PRKX: variants seen among roughly 807,000 people sequenced by gnomAD.
PRKX encodes cAMP-dependent protein kinase catalytic subunit PRKX.
A neutral mutation model predicts 22.0 loss-of-function variants in PRKX; 12 were observed. The ratio of observed to expected loss-of-function variants is 0.54; its 90% CI spans 0.35 to 0.88. The LOEUF (loss-of-function observed/expected upper bound fraction) is 0.88. Ranked by LOEUF, PRKX falls within the 40% of genes least tolerant of loss-of-function variation. The pLI is 0.01. For missense variants in PRKX, 217 were observed against 308.0 expected (o/e 0.70, Z 2.21); for synonymous variants, 134 against 137.7 (o/e 0.97, Z 0.19).
chrX:3,687,029 AT>A (rs1038408241), intron 1 of PRKX, among the ~76,000 whole-genome samples: 6 of 110,591 alleles, frequency 5.4e-5, no homozygotes, highest in African/African-American at 1.6e-4. Context: ...TAATTAATTA[AT>A]TTTTTTTAAG....
chrX:3,635,162 G>A (rs965113612), intron 4 of PRKX, among the ~76,000 whole-genome samples: 10 of 111,710 alleles, frequency 9.0e-5, no homozygotes, highest in East Asian at 2.8e-4. Context: ...TAGTCAGCGC[G>A]GACAGCTGTA....
At chrX:3,709,043 G>A (rs1028626228) in intron 1 of PRKX, among the ~76,000 whole-genome samples, 2 of 108,742 alleles carry the variant, frequency 1.8e-5, no homozygotes, top group Non-Finnish European at 3.8e-5. Context: ...AGCCGGGCAC[G>A]ATGGCTCATG....
intron 1 of PRKX, among the ~76,000 whole-genome samples, chrX:3,701,514 C>A (rs1326632670): frequency 1.8e-5 from 2 of 112,417 alleles, no homozygotes; most frequent in African/African-American, 6.5e-5. Flanking sequence ...CTCATCCAAG[C>A]TGGATTTTGC....
At chrX:3,651,247 T>A (rs1927326748) in intron 3 of PRKX, among the ~76,000 whole-genome samples, 1 of 112,363 alleles carries the variant, frequency 8.9e-6, no homozygotes. Context: ...ACATGTTCAT[T>A]AAGTAAAATA....
chrX:3,634,363 G>A (rs1227840530), intron 4 of PRKX, among the ~76,000 whole-genome samples: 2 of 110,918 alleles, frequency 1.8e-5, no homozygotes, highest in Non-Finnish European at 3.8e-5. Context: ...AGTTAAAGCG[G>A]AAGGAGCAGG....
chrX:3,614,946 C>T lies in PRKX; in HGVS notation c.951+869G>A, dbSNP rs556602432. ...GTGTAACCTTCCACACATTGCTTAACTTCTCTGAGCACAGTCTCCTCATTT... is the reference window on the plus strand; with the variant it reads ...GTGTAACCTTCCACACATTGCTTAATTTCTCTGAGCACAGTCTCCTCATTT... On this transcript the variant is annotated intron_variant, in intron 7 of 8. Coordinates refer to ENST00000262848, the MANE Select transcript of PRKX (RefSeq NM_005044.5). Among the ~76,000 whole-genome samples, 9 of 107,525 alleles carry T rather than the reference C, an allele frequency of 8.4e-5. No homozygotes were observed. In the South Asian group the frequency reaches 3.7e-3, roughly 45 times the overall value. The allele number at this position is 107,525 out of a possible 115,157, so 93.4% of individuals were successfully genotyped here.
At chrX:3,690,706 A>C (rs1325067500) in intron 1 of PRKX, among the ~76,000 whole-genome samples, 1 of 112,353 alleles carries the variant, frequency 8.9e-6, no homozygotes, top group Admixed American at 9.5e-5. Context: ...ACTCCAGCCT[A>C]GGTGACAGAG....
intron 3 of PRKX, among the ~76,000 whole-genome samples, chrX:3,651,251 T>C (rs1205689879): frequency 3.6e-5 from 4 of 112,502 alleles, no homozygotes; most frequent in African/African-American, 1.3e-4. Flanking sequence ...GTTCATTAAG[T>C]AAAATAATTG....
chrX:3,713,573 C>G lies in PRKX; in HGVS notation c.-320G>C, dbSNP rs2146619242. On this transcript the variant is annotated 5_prime_UTR_variant, in exon 1 of 9. An upstream start codon of the reference 5' UTR is lost. Transcript: ENST00000262848. The stretch of plus-strand genomic sequence containing the variant: ...GGGGGGGCGAGGCGGGGGCCCTGCG[C>G]ATTCCGGGTCTCGCGCCCGCCGCCT... The G allele has an allele frequency of 6.0e-6, 1 of 168,009 alleles. No individual in the cohort carries two copies. Among genetic ancestry groups the G allele is most frequent in the Admixed American group, 8.2e-5 (1 of 12,257 alleles). The allele number at this position is 168,009 out of a possible 1,213,427, so 13.8% of individuals were successfully genotyped here.
At chrX:3,637,016 G>A (rs1398899594) in intron 4 of PRKX, among the ~76,000 whole-genome samples, 12 of 91,264 alleles carry the variant, frequency 1.3e-4, no homozygotes, top group African/African-American at 4.0e-4. Context: ...AGAGGGAGAG[G>A]GGAAAGGAAA....
Position 3,641,932 on chromosome X carries a change from G to A in PRKX, c.639C>T (p.Pro213=), listed in dbSNP as rs750781693. The change falls in exon 4 of 9, where the codon CCC becomes CCT. Residue 213 remains proline (P), a synonymous_variant. Transcript: ENST00000262848. The part of the protein sequence containing the change: ...TLCGTPEYLA[P]EVIQSKGHGR... ...CGTGGCCCTTGCTCTGAATGACTTC[G>A]GGGGCTAGGTACTCGGGTGTTCCAC... 1.9e-5 allele frequency: 14 copies of A among 739,369 alleles called. No individual in the cohort carries two copies. Among genetic ancestry groups the A allele is most frequent in the Admixed American group, 1.1e-4 (3 of 26,636 alleles). The allele number at this position is 739,369 out of a possible 1,213,427, so 60.9% of individuals were successfully genotyped here.
At chrX:3,661,685 A>G (rs193065187) in intron 2 of PRKX, among the ~76,000 whole-genome samples, 236 of 111,923 alleles carry the variant, frequency 2.1e-3, no homozygotes, top group Non-Finnish European at 3.7e-3. Context: ...TGAAAGAGAT[A>G]CTGACTTTAC....
chrX:3,712,050 C>T (rs1435132811), intron 1 of PRKX, among the ~76,000 whole-genome samples: 1 of 111,609 alleles, frequency 9.0e-6, no homozygotes, highest in African/African-American at 3.3e-5. Flanking sequence ...CTCAGCGGTT[C>T]TAAAGGCCCC....
chrX:3,674,083 T>A (rs1927899806), intron 2 of PRKX, among the ~76,000 whole-genome samples: 1 of 111,250 alleles, frequency 9.0e-6, no homozygotes, highest in South Asian at 3.9e-4. Flanking sequence ...GAATGGACTA[T>A]CACACCTACC....
In PRKX at chrX:3,708,167, G is replaced by A. The variant is rs374146811; in HGVS notation, c.166+4921C>T. Among the ~76,000 whole-genome samples the A allele has an allele frequency of 1.9e-4, 21 of 111,276 alleles. No individual in the cohort carries two copies. In the South Asian group the frequency reaches 2.7e-3, roughly 14 times the overall value. ...ATGGGATCACTGCCCTTATAAAGGG[G>A]CCCCAGAGAGCTCCCTCACCCCTTC... On this transcript the variant is annotated intron_variant, in intron 1 of 8. Transcript: ENST00000262848.
At chrX:3,698,752 G>A (rs1323755454) in intron 1 of PRKX, among the ~76,000 whole-genome samples, 1 of 107,924 alleles carries the variant, frequency 9.3e-6, no homozygotes, top group Admixed American at 1.0e-4. Context: ...CCACACACCC[G>A]GCTAATTTTT....
intron 6 of PRKX, among the ~76,000 whole-genome samples, chrX:3,617,776 C>G (rs1271713487): frequency 6.3e-5 from 7 of 111,153 alleles, no homozygotes; most frequent in Non-Finnish European, 9.4e-5. Context: ...ATCTTAAAAA[C>G]TCCTATCCCC....
chrX:3,658,162 T>C (rs1927520130), intron 2 of PRKX, among the ~76,000 whole-genome samples: 1 of 110,782 alleles, frequency 9.0e-6, no homozygotes, highest in Non-Finnish European at 1.9e-5. Context: ...AGCTAATTTT[T>C]GTATTTTTAG....
intron 2 of PRKX, among the ~76,000 whole-genome samples, chrX:3,671,916 A>G (rs985721426): frequency 4.5e-5 from 5 of 112,046 alleles, no homozygotes; most frequent in African/African-American, 1.6e-4. Flanking sequence ...TGCAGCCTAA[A>G]GTTCAAGACC....
Sources: gnomAD v4.1 joint callset for allele counts (sites outside exome capture counted in the v4.1 genomes callset) on GRCh38, gnomAD v4.1.1 for gene constraint, MANE v1.5 for transcripts, NCBI Gene and HGNC (gene_info 2026-07-23, HGNC 2026-07-21) for gene names.